UQCRC1: variants seen among roughly 807,000 people sequenced by gnomAD.
UQCRC1 encodes cytochrome b-c1 complex subunit 1, mitochondrial.
In UQCRC1, 34 loss-of-function variants were observed where a neutral mutation model predicts 58.0. That is an observed-to-expected ratio of 0.59 (90% CI 0.45 to 0.78). The LOEUF (loss-of-function observed/expected upper bound fraction) is 0.78. UQCRC1 is among the 30% of genes least tolerant of loss of function. The pLI, the probability that UQCRC1 is intolerant of heterozygous loss-of-function variation, is 0.00. For synonymous variants in UQCRC1, 276 were observed against 248.8 expected, an observed-to-expected ratio of 1.11 and a Z score of -1.03; for missense variants, 610 against 646.0, an observed-to-expected ratio of 0.94 and a Z score of 0.60.
At chr3:48,602,964 T>C (rs754253303) in intron 6 of UQCRC1, among the ~76,000 whole-genome samples, 31 of 152,118 alleles carry the variant, frequency 2.0e-4, no homozygotes, top group Admixed American at 4.6e-4. Flanking sequence ...AGCCCCTCTC[T>C]AGCCAGCCTA....
rs747654560 is a variant in UQCRC1, at chr3:48,604,768, G to A, written c.310C>T (p.Arg104Trp). The A allele has an allele frequency of 7.4e-6, 12 of 1,613,904 alleles. No individual in the cohort carries two copies. The highest frequency in any genetic ancestry group is 3.3e-5 in the South Asian group (3 of 91,076). Reference sequence around the variant, plus strand: ...TCCTTCTCCAGGGCACTGCCAGGCCGATTCTTTGTTCCCTGGAACCAGATA... The same window carrying A: ...TCCTTCTCCAGGGCACTGCCAGGCCAATTCTTTGTTCCCTGGAACCAGATA... The part of the protein sequence containing the change: ...EHLAFKGTKN[R>W]PGSALEKEVE... The change falls in exon 4 of 13, where the codon CGG becomes TGG. Residue 104 changes from arginine to tryptophan, a missense_variant. Physicochemically the swap from Arg to Trp is moderately radical, Grantham distance 101 (BLOSUM62 -3). Transcript: ENST00000203407.
Position 48,605,825 on chromosome 3 carries a change from A to C in UQCRC1, c.242T>G (p.Phe81Cys), listed in dbSNP as rs748587632. 1 of 1,613,868 alleles carries C rather than the reference A, an allele frequency of 6.2e-7. No homozygotes were observed. The highest frequency in any genetic ancestry group is 8.5e-7 in the Non-Finnish European group (1 of 1,179,944). Residue 81 changes from phenylalanine (F) to cysteine (C), a missense_variant, in exon 3 of 13, where the codon TTT (phenylalanine) becomes TGT (cysteine). Coordinates refer to ENST00000203407, the MANE Select transcript of UQCRC1 (RefSeq NM_003365.3). ...TGCCCCATTATTCTTCTCAGTCTCA[A>C]AACGGCTGCCAACATCAATCCACAC... ...VGVWIDVGSRFETEKNNGAGY... is the reference protein window; with the variant it reads ...VGVWIDVGSRCETEKNNGAGY...
chr3:48,607,749 C>A (rs1348444178), intron 2 of UQCRC1, among the ~76,000 whole-genome samples: 3 of 151,892 alleles, frequency 2.0e-5, no homozygotes, highest in Non-Finnish European at 4.4e-5. Flanking sequence ...ATTACAGGCA[C>A]AGAATGCACA....
At position 48,603,562 on chromosome 3, in the gene UQCRC1, A is replaced by G; in HGVS notation, c.706+2T>C. The G allele has an allele frequency of 1.2e-6, 2 of 1,613,428 alleles. No individual in the cohort carries two copies. Among genetic ancestry groups the G allele is most frequent in the Non-Finnish European group, 1.7e-6 (2 of 1,179,896 alleles). On this transcript the variant is annotated splice_donor_variant, in intron 6 of 12. Coordinates refer to ENST00000203407, the MANE Select transcript of UQCRC1 (RefSeq NM_003365.3). LOFTEE classifies it high-confidence loss of function. Reference sequence around the variant, plus strand: ...CAGGACTTCAGTGATTCCATCACTCACCTCCAGCTGCTGCCAGCACCATTC... The same window carrying G: ...CAGGACTTCAGTGATTCCATCACTCGCCTCCAGCTGCTGCCAGCACCATTC...
chr3:48,603,744 G>T (rs1321893408), intron 5 of UQCRC1, 101 bp from the exon 6 acceptor site: 6 of 1,126,968 alleles, frequency 5.3e-6, no homozygotes, highest in Non-Finnish European at 7.8e-6. Context: ...GAGAGGCATG[G>T]TTTCTCCGAA....
At chr3:48,601,315 C>T in intron 7 of UQCRC1, 37 bp downstream of exon 7, 1 of 1,609,940 alleles carries the variant, frequency 6.2e-7, no homozygotes, top group South Asian at 1.1e-5. Flanking sequence ...CCACAGGCCC[C>T]CAGCTGAGCA....
At chr3:48,607,457 G>A (rs1318830459) in intron 2 of UQCRC1, among the ~76,000 whole-genome samples, 1 of 152,140 alleles carries the variant, frequency 6.6e-6, no homozygotes, top group Non-Finnish European at 1.5e-5. Context: ...TTATAGGCAT[G>A]AGCCACTGCG....
At position 48,609,180 on chromosome 3, in the gene UQCRC1, G is replaced by A; in HGVS notation, c.192C>T (p.Ser64=). 2 of 1,611,406 alleles carry A rather than the reference G, an allele frequency of 1.2e-6. No individual in the cohort carries two copies. Among genetic ancestry groups the A allele is most frequent in the Non-Finnish European group, 1.7e-6 (2 of 1,178,430 alleles). ...AACTCACCGTGCAAGTGGGCTGAGA[G>A]GACTGCTCGGAGGCCACACGCAGGC... ...DNGLRVASEQ[S]SQPTCTVGVW... Residue 64 remains serine (S), a synonymous_variant, in exon 2 of 13, where the codon TCC becomes TCT. Transcript: ENST00000203407.
rs759945732 is a variant in UQCRC1, at chr3:48,600,966, G to T, written c.966+9C>A. 1 of 1,603,108 alleles carries T rather than the reference G, an allele frequency of 6.2e-7. No homozygotes were observed. Among genetic ancestry groups the T allele is most frequent in the Non-Finnish European group, 8.5e-7 (1 of 1,171,674 alleles). On this transcript the variant is annotated intron_variant, in intron 8 of 12. Coordinates refer to ENST00000203407, the MANE Select transcript of UQCRC1 (RefSeq NM_003365.3). The stretch of plus-strand genomic sequence containing the variant: ...GAAGGCGAGGTCCCATGCTCGCGCT[G>T]GCACTCACCACGCCACCACCATAAG...
chr3:48,601,040 T>C lies in UQCRC1; in HGVS notation c.901A>G (p.Asn301Asp). 3 of 1,610,770 alleles carry C rather than the reference T, an allele frequency of 1.9e-6. No individual in the cohort carries two copies. The highest frequency in any genetic ancestry group is 1.1e-5 in the South Asian group (1 of 90,972). The change falls in exon 8 of 13, where the codon AAT becomes GAT. Residue 301 changes from asparagine (N) to aspartate (D), a missense_variant. Asn to Asp is a conservative substitution (Grantham distance 23, BLOSUM62 1). Coordinates refer to ENST00000203407, the MANE Select transcript of UQCRC1 (RefSeq NM_003365.3). The part of the protein sequence containing the change: ...VEGPGWASPD[N>D]VALQVANAII... Reference sequence around the variant, plus strand: ...GCATTGGCCACTTGCAAGGCCACATTGTCCGGGCTGGCCCAGCCAGGACCC... The same window carrying C: ...GCATTGGCCACTTGCAAGGCCACATCGTCCGGGCTGGCCCAGCCAGGACCC...
At chr3:48,600,898 C>T in intron 8 of UQCRC1, 58 bp from the exon 9 acceptor site, 3 of 1,610,756 alleles carry the variant, frequency 1.9e-6, no homozygotes, top group Non-Finnish European at 2.5e-6. Flanking sequence ...ACACTGTGAC[C>T]CCCACGCACA....
At position 48,599,650 on chromosome 3, in the gene UQCRC1, C is replaced by T. The variant is rs755980367; in HGVS notation, c.1363G>A (p.Ala455Thr). Reference sequence around the variant, plus strand: ...GGCCACTTACCATATCCAGCCACTGCTGGGCACTGGTCATAGATGTACTTG... The same window carrying T: ...GGCCACTTACCATATCCAGCCACTGTTGGGCACTGGTCATAGATGTACTTG... ...CSKYIYDQCP[A>T]VAGYGPIEQL... Residue 455 changes from alanine to threonine, a missense_variant, in exon 12 of 13, where the codon GCA becomes ACA. Ala to Thr is a moderately conservative substitution (Grantham distance 58). Coordinates refer to ENST00000203407, the MANE Select transcript of UQCRC1 (RefSeq NM_003365.3). 30 of 1,613,838 alleles carry T rather than the reference C, an allele frequency of 1.9e-5. No individual in the cohort carries two copies. The highest frequency in any genetic ancestry group is 2.2e-5 in the Non-Finnish European group (26 of 1,179,978).
At chr3:48,600,425 T>C (rs2046353213) in intron 10 of UQCRC1, 57 bp downstream of exon 10, 3 of 1,602,116 alleles carry the variant, frequency 1.9e-6, no homozygotes, top group Admixed American at 3.3e-5. Context: ...GTGGCCACCT[T>C]GGTGCTGTCG....
rs1278920404 is a variant in UQCRC1, at chr3:48,604,758, C to T, written c.320G>A (p.Ser107Asn). Residue 107 changes from serine (S) to asparagine (N), a missense_variant, in exon 4 of 13, where the codon AGT becomes AAT. Transcript: ENST00000203407. ...GCTCTCCACCTCCTTCTCCAGGGCA[C>T]TGCCAGGCCGATTCTTTGTTCCCTG... ...AFKGTKNRPG[S>N]ALEKEVESMG... is the part of the protein sequence containing the mutation. The T allele has an allele frequency of 6.2e-7, 1 of 1,614,042 alleles. No individual in the cohort carries two copies. Among genetic ancestry groups the T allele is most frequent in the Non-Finnish European group, 8.5e-7 (1 of 1,180,028 alleles).
intron 6 of UQCRC1, 132 bp downstream of exon 6, chr3:48,603,432 T>C (rs986947427): frequency 3.3e-5 from 27 of 819,658 alleles, no homozygotes; most frequent in Admixed American, 2.2e-4. Flanking sequence ...AGGAAGGTCA[T>C]TCCCCTCAAG....
At chr3:48,604,117 T>G (rs953241134) in intron 5 of UQCRC1, 116 bp downstream of exon 5, 1 of 1,119,300 alleles carries the variant, frequency 8.9e-7, no homozygotes. Context: ...CTGTCTCCAG[T>G]TGCATAACTC....
Position 48,609,162 on chromosome 3 carries a change from C to G in UQCRC1, c.210G>C (p.Thr70=). The change falls in exon 2 of 13, where the codon ACG becomes ACC. Residue 70 remains threonine, a splice_region_variant and synonymous_variant. Transcript: ENST00000203407. The part of the protein sequence containing the change: ...ASEQSSQPTC[T]VGVWIDVGSR... The stretch of plus-strand genomic sequence containing the variant: ...CTCCCCAAAAGCGTCCCCAACTCAC[C>G]GTGCAAGTGGGCTGAGAGGACTGCT... The G allele has an allele frequency of 6.2e-7, 1 of 1,603,762 alleles. No homozygotes were observed. Among genetic ancestry groups the G allele is most frequent in the Non-Finnish European group, 8.5e-7 (1 of 1,172,494 alleles).
intron 12 of UQCRC1, 108 bp from the exon 13 acceptor site, chr3:48,599,300 G>A (rs1486649638): frequency 8.0e-7 from 1 of 1,257,178 alleles, no homozygotes; most frequent in African/African-American, 1.5e-5. Flanking sequence ...GCACAAGACA[G>A]GCTTTGAGTG....
At position 48,601,060 on chromosome 3, in the gene UQCRC1, G is replaced by A. The variant is rs1190116809; in HGVS notation, c.881C>T (p.Pro294Leu). 1 of 1,610,710 alleles carries A rather than the reference G, an allele frequency of 6.2e-7. No individual in the cohort carries two copies. The highest frequency in any genetic ancestry group is 8.5e-7 in the Non-Finnish European group (1 of 1,177,298). Reference protein sequence around the residue: ...FAHVAIAVEGPGWASPDNVAL... With the variant: ...FAHVAIAVEGLGWASPDNVAL... The stretch of plus-strand genomic sequence containing the variant: ...CACATTGTCCGGGCTGGCCCAGCCA[G>A]GACCCTCTACTGCAATGGCCACGTG... Residue 294 changes from proline (P) to leucine (L), a missense_variant, in exon 8 of 13, where the codon CCT (proline) becomes CTT (leucine). Transcript: ENST00000203407.
Sources: gnomAD v4.1 joint callset for allele counts (sites outside exome capture counted in the v4.1 genomes callset) on GRCh38, gnomAD v4.1.1 for gene constraint, MANE v1.5 for transcripts, NCBI Gene and HGNC (gene_info 2026-07-23, HGNC 2026-07-21) for gene names.